ESCO1: variants seen among roughly 807,000 people sequenced by gnomAD.
ESCO1 encodes the protein N-acetyltransferase ESCO1.
A neutral mutation model predicts 83.5 loss-of-function variants in ESCO1; 33 were observed. The ratio of observed to expected loss-of-function variants is 0.40; its 90% CI spans 0.30 to 0.53. The LOEUF is 0.53. Ranked by LOEUF, ESCO1 falls within the 20% of genes least tolerant of loss-of-function variation. The pLI is 0.63. For missense variants in ESCO1, 855 were observed against 968.0 expected (o/e 0.88, Z 1.55); for synonymous variants, 332 against 324.3 (o/e 1.02, Z -0.25).
At chr18:21,543,642 T>A (rs745702464) in intron 8 of ESCO1, among the ~76,000 whole-genome samples, 6 of 152,148 alleles carry the variant, frequency 3.9e-5, no homozygotes, top group Non-Finnish European at 8.8e-5. Flanking sequence ...ACCCCGACTT[T>A]AAAAGTTCAC....
In ESCO1 at chr18:21,574,475, T is replaced by C. The variant is rs147116529; in HGVS notation, c.369A>G (p.Gln123=). 3.3e-5 allele frequency: 53 copies of C among 1,614,160 alleles called. No individual in the cohort carries two copies. In the Middle Eastern group the frequency reaches 3.1e-3, roughly 95 times the overall value. ...KANEQLNRRS[Q]RLQQLTEVSR... Reference sequence around the variant, plus strand: ...AAACCTCTGTTAATTGTTGTAGCCTTTGTGATCTCCGGTTAAGCTGTTCAT... The same window carrying C: ...AAACCTCTGTTAATTGTTGTAGCCTCTGTGATCTCCGGTTAAGCTGTTCAT... The change falls in exon 4 of 12, where the codon CAA becomes CAG. Residue 123 remains glutamine (Q), a synonymous_variant. Coordinates refer to ENST00000269214, the MANE Select transcript of ESCO1 (RefSeq NM_052911.3).
rs2038400749 is a variant in ESCO1 at position 21,574,984 on chromosome 18, A to G, written c.-141T>C. ...TTAACTGATGCTGATATACATTTTCAACAAAAATACTAGTTTGCTTCAAGT... is the reference window on the plus strand; with the variant it reads ...TTAACTGATGCTGATATACATTTTCGACAAAAATACTAGTTTGCTTCAAGT... On this transcript the variant is annotated 5_prime_UTR_variant, in exon 4 of 12. Coordinates refer to ENST00000269214, the MANE Select transcript of ESCO1 (RefSeq NM_052911.3). 1.7e-6 allele frequency: 1 copy of G among 600,030 alleles called. No homozygotes were observed. The highest frequency in any genetic ancestry group is 2.7e-6 in the Non-Finnish European group (1 of 365,860). The allele number at this position is 600,030 out of a possible 1,614,324, so 37.2% of individuals were successfully genotyped here. A position where few individuals can be genotyped will look rare whatever the true frequency, so the allele number is the denominator to read the frequency against.
At chr18:21,579,794 G>GCGTGCA (rs1192534759) in intron 2 of ESCO1, among the ~76,000 whole-genome samples, 10 of 37,126 alleles carry the variant, frequency 2.7e-4, no homozygotes, top group African/African-American at 5.2e-4. Flanking sequence ...ACGCGCGCGC[G>GCGTGCA]CACACACACA....
intron 8 of ESCO1, among the ~76,000 whole-genome samples, chr18:21,554,891 G>C (rs1259993216): frequency 6.6e-6 from 1 of 151,980 alleles, no homozygotes; most frequent in Non-Finnish European, 1.5e-5. Flanking sequence ...CTGGGGGACA[G>C]AGTGAGGCTC....
intron 2 of ESCO1, among the ~76,000 whole-genome samples, chr18:21,576,009 A>G (rs1166903897): frequency 6.6e-6 from 1 of 152,242 alleles, no homozygotes; most frequent in Non-Finnish European, 1.5e-5. Context: ...AAAAAGTTTT[A>G]AAATATGAAA....
intron 9 of ESCO1, among the ~76,000 whole-genome samples, chr18:21,537,438 G>A (rs927541870): frequency 3.3e-5 from 5 of 152,132 alleles, no homozygotes; most frequent in Admixed American, 1.3e-4. Context: ...AGGAGACTGG[G>A]GCAGGAGGGT....
At chr18:21,577,368 A>T (rs1273960977) in intron 2 of ESCO1, among the ~76,000 whole-genome samples, 18 of 148,518 alleles carry the variant, frequency 1.2e-4, no homozygotes, top group Non-Finnish European at 2.2e-4. Context: ...TTTTAAAAAA[A>T]AAAAAAAAAA....
At chr18:21,561,483 A>G (rs2038185669) in intron 7 of ESCO1, among the ~76,000 whole-genome samples, 1 of 152,162 alleles carries the variant, frequency 6.6e-6, no homozygotes, top group South Asian at 2.1e-4. Context: ...GCTGGAGTGC[A>G]GTGGCATGAT....
chr18:21,568,580 T>C (rs1398382438), intron 4 of ESCO1, among the ~76,000 whole-genome samples: 2 of 152,148 alleles, frequency 1.3e-5, no homozygotes, highest in Admixed American at 1.3e-4. Flanking sequence ...TTGAAATGTG[T>C]TGAAAGCATA....
At chr18:21,537,238 T>C (rs1336017196) in intron 9 of ESCO1, among the ~76,000 whole-genome samples, 1 of 152,192 alleles carries the variant, frequency 6.6e-6, no homozygotes, top group East Asian at 1.9e-4. Context: ...CAACCATTAG[T>C]TCCTTCCCCA....
chr18:21,539,547 C>T (rs2037877079), intron 9 of ESCO1, among the ~76,000 whole-genome samples: 1 of 152,058 alleles, frequency 6.6e-6, no homozygotes, highest in Non-Finnish European at 1.5e-5. Context: ...ATCTGTTATC[C>T]TCTTAAAATT....
intron 8 of ESCO1, among the ~76,000 whole-genome samples, chr18:21,553,882 A>G (rs2038079028): frequency 6.6e-6 from 1 of 151,432 alleles, no homozygotes; most frequent in African/African-American, 2.4e-5. Flanking sequence ...AAAAAACACA[A>G]ACACACAAAA....
intron 1 of ESCO1, among the ~76,000 whole-genome samples, chr18:21,590,647 C>T (rs750371579): frequency 1.7e-4 from 25 of 151,364 alleles, no homozygotes; most frequent in Non-Finnish European, 2.8e-4. Flanking sequence ...ATTTAATTAC[C>T]CTTAATTGAA....
rs1296841227 is a variant in ESCO1, at chr18:21,574,797, G to T, written c.47C>A (p.Thr16Asn). 1 of 1,598,826 alleles carries T rather than the reference G, an allele frequency of 6.3e-7. No homozygotes were observed. The highest frequency in any genetic ancestry group is 1.7e-5 in the Admixed American group (1 of 58,976). Residue 16 changes from threonine (T) to asparagine (N), a missense_variant, in exon 4 of 12, where the codon ACT (threonine) becomes AAT (asparagine). Coordinates refer to ENST00000269214, the MANE Select transcript of ESCO1 (RefSeq NM_052911.3). ...EKSKENSSKV[T>N]KKSDDKNSET... ...TGAATTCTTATCGTCACTTTTTTTA[G>T]TAACTTTGGAGGAATTCTCTTTTGA... is the stretch of plus-strand genomic sequence containing the variant.
chr18:21,555,362 A>G (rs967053079), intron 8 of ESCO1, among the ~76,000 whole-genome samples: 1 of 152,190 alleles, frequency 6.6e-6, no homozygotes, highest in Non-Finnish European at 1.5e-5. Context: ...ATTTCTCAAA[A>G]CCCACAGAAT....
chr18:21,561,067 T>C lies in ESCO1; in HGVS notation c.1822-77A>G. 2.9e-6 allele frequency: 4 copies of C among 1,403,034 alleles called. No individual in the cohort carries two copies. The South Asian group carries it at 6.3e-5, about 22-fold the overall frequency. The allele number at this position is 1,403,034 out of a possible 1,614,324, so 86.9% of individuals were successfully genotyped here. ...AGAATATCAGCCTCTAAGGCTATAG[T>C]GTGAGCATAAAGTAAGAATTGTTTA... On this transcript the variant is annotated intron_variant, in intron 7 of 11. Coordinates refer to ENST00000269214, the MANE Select transcript of ESCO1 (RefSeq NM_052911.3).
intron 8 of ESCO1, among the ~76,000 whole-genome samples, chr18:21,548,509 AT>A (rs1452968277): frequency 6.6e-6 from 1 of 151,886 alleles, no homozygotes; most frequent in Admixed American, 6.6e-5. Context: ...AAAAGCAAAA[AT>A]AAAAAGGCCA....
At chr18:21,588,573 A>G (rs949803087) in intron 1 of ESCO1, among the ~76,000 whole-genome samples, 2 of 152,164 alleles carry the variant, frequency 1.3e-5, no homozygotes, top group Non-Finnish European at 2.9e-5. Flanking sequence ...GTATGCACAG[A>G]TTATACAATA....
chr18:21,593,009 C>A (rs1247961358), intron 1 of ESCO1: 16 of 160,820 alleles, frequency 9.9e-5, no homozygotes, highest in Non-Finnish European at 2.2e-4. Context: ...CGGGCAGAGA[C>A]GCTCCTCACT....
Sources: allele counts gnomAD v4.1 joint callset (sites outside exome capture counted in the v4.1 genomes callset), GRCh38; gene constraint gnomAD v4.1.1; transcripts MANE v1.5; gene names NCBI Gene and HGNC (gene_info 2026-07-23, HGNC 2026-07-21).